ZNF267: variants seen among roughly 807,000 people sequenced by gnomAD.
The protein encoded by ZNF267 is zinc finger protein 267.
In ZNF267, 61 loss-of-function variants were observed where a neutral mutation model predicts 71.6. The ratio of observed to expected loss-of-function variants is 0.85; its 90% CI spans 0.69 to 1.05. The LOEUF (loss-of-function observed/expected upper bound fraction) is 1.05. ZNF267 is among the 50% of genes least tolerant of loss of function. The pLI, the probability that ZNF267 is intolerant of heterozygous loss-of-function variation, is 0.00. For missense variants in ZNF267, 852 were observed against 870.0 expected (o/e 0.98, Z 0.26); for synonymous variants, 288 against 293.2 (o/e 0.98, Z 0.18).
intron 3 of ZNF267, among the ~76,000 whole-genome samples, chr16:31,899,138 A>G (rs1163224854): frequency 1.3e-5 from 2 of 152,220 alleles, no homozygotes; most frequent in Admixed American, 6.5e-5. Context: ...CAGAAAATTA[A>G]CAAGGATATC....
intron 1 of ZNF267, among the ~76,000 whole-genome samples, chr16:31,875,509 C>T (rs771626288): frequency 2.0e-5 from 3 of 152,254 alleles, no homozygotes; most frequent in Admixed American, 2.0e-4. Flanking sequence ...GATTCCTGCC[C>T]CCTAGATTCA....
intron 3 of ZNF267, among the ~76,000 whole-genome samples, chr16:31,892,207 A>G (rs563692127): frequency 6.6e-6 from 1 of 152,246 alleles, no homozygotes; most frequent in South Asian, 2.1e-4. Context: ...CACATCTTAC[A>G]TGGATGGCAG....
chr16:31,881,276 C>T (rs541777215), intron 1 of ZNF267, among the ~76,000 whole-genome samples: 1 of 152,234 alleles, frequency 6.6e-6, no homozygotes, highest in African/African-American at 2.4e-5. Context: ...AATAAAGCAG[C>T]AATGTAGAGA....
chr16:31,895,180 C>T (rs768342934), intron 3 of ZNF267, among the ~76,000 whole-genome samples: 2 of 152,232 alleles, frequency 1.3e-5, no homozygotes, highest in Admixed American at 6.5e-5. Flanking sequence ...CGGGAGCTGA[C>T]GAAGGCAGCC....
chr16:31,912,418 A>G (rs1349766885), intron 3 of ZNF267: 1 of 151,644 alleles, frequency 6.6e-6, no homozygotes, highest in Non-Finnish European at 1.5e-5. Context: ...TGCCAGACGT[A>G]CTGGAGTTTC....
intron 1 of ZNF267, among the ~76,000 whole-genome samples, chr16:31,877,752 C>A (rs1265060211): frequency 1.3e-5 from 2 of 152,010 alleles, no homozygotes; most frequent in Non-Finnish European, 2.9e-5. Context: ...TTGGAAAACA[C>A]AAAAGATGGG....
At chr16:31,908,196 G>A (rs1410759042) in intron 3 of ZNF267, among the ~76,000 whole-genome samples, 2 of 152,208 alleles carry the variant, frequency 1.3e-5, no homozygotes, top group East Asian at 3.9e-4. Flanking sequence ...CCCTAGTTTG[G>A]GTTTTTTTGA....
chr16:31,889,292 A>G (rs2083944851), intron 3 of ZNF267, among the ~76,000 whole-genome samples: 1 of 150,064 alleles, frequency 6.7e-6, no homozygotes, highest in South Asian at 2.1e-4. Context: ...TATTATTTCC[A>G]TAATTATGCC....
intron 1 of ZNF267, among the ~76,000 whole-genome samples, chr16:31,876,727 T>C (rs1056270493): frequency 3.9e-5 from 6 of 152,244 alleles, no homozygotes; most frequent in Non-Finnish European, 7.3e-5. Context: ...GTAGTTTTGC[T>C]TTCTTCCAAC....
chr16:31,892,605 C>T (rs1416910354), intron 3 of ZNF267, among the ~76,000 whole-genome samples: 1 of 152,232 alleles, frequency 6.6e-6, no homozygotes, highest in Non-Finnish European at 1.5e-5. Context: ...TTGGTTACTT[C>T]CTAGATACAT....
chr16:31,874,031 A>G (rs754425371), intron 1 of ZNF267, 62 bp downstream of exon 1: 203 of 1,587,340 alleles, frequency 1.3e-4, no homozygotes, highest in Non-Finnish European at 1.7e-4. Flanking sequence ...AGCGGCGGGA[A>G]CCCGCTGTAG....
rs149522554 is a variant in ZNF267, at chr16:31,908,981, G to A, written c.227-5495G>A. Among the ~76,000 whole-genome samples the A allele has an allele frequency of 2.6e-5, 4 of 151,914 alleles. No homozygotes were observed. The East Asian group carries it at 7.7e-4, about 29-fold the overall frequency. Reference sequence around the variant, plus strand: ...TGTCATTAGTATTTTCATAGGGATTGCATTGATTCTGTAGATTGTTTCGAG... The same window carrying A: ...TGTCATTAGTATTTTCATAGGGATTACATTGATTCTGTAGATTGTTTCGAG... On this transcript the variant is annotated intron_variant, in intron 3 of 3. Coordinates refer to ENST00000300870, the MANE Select transcript of ZNF267 (RefSeq NM_003414.6).
intron 3 of ZNF267, among the ~76,000 whole-genome samples, chr16:31,891,462 G>A (rs995149943): frequency 6.6e-6 from 1 of 151,984 alleles, no homozygotes; most frequent in Admixed American, 6.5e-5. Flanking sequence ...TTTTTCATTA[G>A]CATTTGATAT....
intron 3 of ZNF267, among the ~76,000 whole-genome samples, chr16:31,891,221 T>G (rs2142340439): frequency 6.6e-6 from 1 of 152,276 alleles, no homozygotes; most frequent in East Asian, 1.9e-4. Context: ...CTCCACAGTT[T>G]TTCTCCCTTT....
intron 3 of ZNF267, among the ~76,000 whole-genome samples, chr16:31,901,152 A>G (rs62052282): frequency 5.3e-5 from 8 of 152,216 alleles, no homozygotes; most frequent in African/African-American, 1.9e-4. Flanking sequence ...ATGGCTGCAT[A>G]GTATTCCATG....
intron 3 of ZNF267, among the ~76,000 whole-genome samples, chr16:31,896,806 T>G (rs1404177496): frequency 6.6e-6 from 1 of 152,186 alleles, no homozygotes; most frequent in African/African-American, 2.4e-5. Context: ...TCTATTTCTG[T>G]GAAGAATGCT....
chr16:31,915,564 A>G lies in ZNF267; in HGVS notation c.1315A>G (p.Lys439Glu), dbSNP rs746131922. The G allele has an allele frequency of 6.2e-7, 1 of 1,613,300 alleles. No homozygotes were observed. The highest frequency in any genetic ancestry group is 8.5e-7 in the Non-Finnish European group (1 of 1,179,878). Residue 439 changes from lysine to glutamate, a missense_variant, in exon 4 of 4, where the codon AAA becomes GAA. By Grantham distance (56) the Lys-to-Glu change is moderately conservative (BLOSUM62 1). Transcript: ENST00000300870. ...TACTGGAGAGAAACCTTATAAATGT[A>G]AAGAATGTGGAAAAGCTTTTAACCG... ...IHTGEKPYKCKECGKAFNRSS... is the reference protein window; with the variant it reads ...IHTGEKPYKCEECGKAFNRSS...
At chr16:31,885,719 T>C (rs897955800) in intron 3 of ZNF267, among the ~76,000 whole-genome samples, 1 of 152,230 alleles carries the variant, frequency 6.6e-6, no homozygotes, top group African/African-American at 2.4e-5. Context: ...ATACATTAAT[T>C]TTTAATCGTA....
At chr16:31,909,201 G>A (rs1417121643) in intron 3 of ZNF267, among the ~76,000 whole-genome samples, 2 of 145,420 alleles carry the variant, frequency 1.4e-5, no homozygotes, top group African/African-American at 2.6e-5. Context: ...ATCTCGGCTC[G>A]GCTCACTGCA....
Sources: gnomAD v4.1 joint callset for allele counts (sites outside exome capture counted in the v4.1 genomes callset) on GRCh38, gnomAD v4.1.1 for gene constraint, MANE v1.5 for transcripts, NCBI Gene and HGNC (gene_info 2026-07-23, HGNC 2026-07-21) for gene names.